Variants in LPA observed in about 807,000 individuals in gnomAD.
LPA encodes the protein apolipoprotein(a).
In LPA, 199 loss-of-function variants were observed where a neutral mutation model predicts 197.9. That is an observed-to-expected ratio of 1.01 (90% CI 0.90 to 1.13). LPA has a LOEUF of 1.13. Ranked by LOEUF, LPA falls within the 50% of genes most tolerant of loss-of-function variation. The pLI is 0.00. For missense variants in LPA, 1,853 were observed against 1,785.8 expected (o/e 1.04, Z -0.68); for synonymous variants, 715 against 639.5 (o/e 1.12, Z -1.78).
chr6:160,657,476 G>T (rs1181293339), intron 1 of LPA, among the ~76,000 whole-genome samples: 1 of 145,160 alleles, frequency 6.9e-6, no homozygotes, highest in Non-Finnish European at 1.5e-5. Flanking sequence ...TTGGCTCACT[G>T]CAATCTCTGC....
chr6:160,592,034 G>C (rs1256991017), intron 22 of LPA, among the ~76,000 whole-genome samples: 2 of 152,086 alleles, frequency 1.3e-5, no homozygotes, highest in African/African-American at 4.8e-5. Context: ...GAGTCATTGA[G>C]CTTCATGACT....
At position 160,540,202 on chromosome 6, in the gene LPA, T is replaced by A; in HGVS notation, c.5595-19A>T. ...TGAGGACCTAGAAAAGATGAGGATG[T>A]CAAGAGAAAAATATGGTCCAGCCCC... On this transcript the variant is annotated intron_variant, in intron 35 of 38. Coordinates refer to ENST00000316300, the MANE Select transcript of LPA (RefSeq NM_005577.4). 1 of 1,614,056 alleles carries A rather than the reference T, an allele frequency of 6.2e-7. No individual in the cohort carries two copies. The highest frequency in any genetic ancestry group is 1.1e-5 in the South Asian group (1 of 91,068).
intron 28 of LPA, among the ~76,000 whole-genome samples, chr6:160,569,613 A>G (rs1235723621): frequency 6.6e-6 from 1 of 152,216 alleles, no homozygotes; most frequent in East Asian, 1.9e-4. Flanking sequence ...AATAGCAACA[A>G]AAGCCAAAAT....
At chr6:160,660,480 G>C (rs1354630502) in intron 1 of LPA, among the ~76,000 whole-genome samples, 1 of 152,028 alleles carries the variant, frequency 6.6e-6, no homozygotes, top group African/African-American at 2.4e-5. Context: ...AATAAATCAT[G>C]TTTGCTCTTG....
intron 30 of LPA, among the ~76,000 whole-genome samples, chr6:160,549,066 G>C (rs952816999): frequency 6.6e-6 from 1 of 152,146 alleles, no homozygotes; most frequent in East Asian, 1.9e-4. Context: ...CGGCAGGACA[G>C]AGTAAGTGCA....
intron 20 of LPA, among the ~76,000 whole-genome samples, chr6:160,597,230 C>T (rs1161106843): frequency 2.6e-5 from 4 of 152,180 alleles, no homozygotes; most frequent in Non-Finnish European, 4.4e-5. Flanking sequence ...TTGTTCTAGC[C>T]TGTTGTGTTT....
In LPA at chr6:160,634,016, G is replaced by A. The variant is rs114967991; in HGVS notation, c.1076-104C>T. Reference sequence around the variant, plus strand: ...AAAGGAGTCTATGAGAATTACGAACGTTATCTTTCCCTTACCTGTAGGCAG... The same window carrying A: ...AAAGGAGTCTATGAGAATTACGAACATTATCTTTCCCTTACCTGTAGGCAG... On this transcript the variant is annotated intron_variant, in intron 7 of 38. Coordinates refer to ENST00000316300, the MANE Select transcript of LPA (RefSeq NM_005577.4). 12,939 of 1,500,002 alleles carry A rather than the reference G, an allele frequency of 8.6e-3. 1,686 individuals are homozygous for A. The African/African-American group carries it at 0.17, about 19-fold the overall frequency. 92.9% of individuals were successfully genotyped at this position (1,500,002 alleles called of 1,614,324 possible).
At chr6:160,551,789 T>A (rs1238389920) in intron 30 of LPA, among the ~76,000 whole-genome samples, 1 of 152,192 alleles carries the variant, frequency 6.6e-6, no homozygotes, top group Non-Finnish European at 1.5e-5. Context: ...TGTAAAACAT[T>A]TTTGTCTCCA....
intron 26 of LPA, among the ~76,000 whole-genome samples, chr6:160,579,364 G>A (rs976349089): frequency 2.0e-5 from 3 of 152,182 alleles, no homozygotes; most frequent in African/African-American, 7.2e-5. Flanking sequence ...CTAGCTCCCA[G>A]GCAGGATGCT....
At chr6:160,563,114 G>C (rs1583580631) in intron 28 of LPA, among the ~76,000 whole-genome samples, 1 of 152,174 alleles carries the variant, frequency 6.6e-6, no homozygotes, top group East Asian at 1.9e-4. Context: ...GCTAGCTTTT[G>C]TATTTGTTTG....
At chr6:160,577,575 C>T (rs865941994) in intron 27 of LPA, among the ~76,000 whole-genome samples, 4 of 152,162 alleles carry the variant, frequency 2.6e-5, no homozygotes, top group African/African-American at 9.7e-5. Context: ...TGAATCTCTG[C>T]TGGTTTTCAT....
chr6:160,569,877 T>A (rs113739953), intron 28 of LPA, among the ~76,000 whole-genome samples: 2,607 of 152,180 alleles, frequency 0.017, 62 homozygotes, highest in African/African-American at 0.058. Flanking sequence ...AAGAGACACA[T>A]GAAAAAGTGC....
Position 160,540,175 on chromosome 6 carries a change from C to T in LPA, c.5603G>A (p.Arg1868Lys). The stretch of plus-strand genomic sequence containing the variant: ...CAGGATGACCTTGTAGGATGAAGGC[C>T]TTGAGGACCTAGAAAAGATGAGGAT... ...TAAHCLKKSSRPSSYKVILGA... is the reference protein window; with the variant it reads ...TAAHCLKKSSKPSSYKVILGA... The change falls in exon 36 of 39, where the codon AGG (arginine) becomes AAG (lysine). Residue 1868 changes from arginine (R) to lysine (K), a missense_variant. Physicochemically the swap from Arg to Lys is conservative, Grantham distance 26. Transcript: ENST00000316300. 6.2e-7 allele frequency: 1 copy of T among 1,614,082 alleles called. No individual in the cohort carries two copies. The highest frequency in any genetic ancestry group is 8.5e-7 in the Non-Finnish European group (1 of 1,180,018).
chr6:160,655,405 G>T (rs1780115271), intron 1 of LPA, among the ~76,000 whole-genome samples: 2 of 152,162 alleles, frequency 1.3e-5, no homozygotes, highest in African/African-American at 4.8e-5. Flanking sequence ...TGGCCCAAAT[G>T]GCAGAGCAGC....
chr6:160,582,778 T>C lies in LPA; in HGVS notation c.4289+2268A>G, dbSNP rs546300992. Among the ~76,000 whole-genome samples, 31 of 152,242 alleles carry C rather than the reference T, an allele frequency of 2.0e-4. 1 individual carries two copies. Among genetic ancestry groups the C allele is most frequent in the South Asian group, 2.1e-4 (1 of 4,828 alleles). On this transcript the variant is annotated intron_variant, in intron 26 of 38. Coordinates refer to ENST00000316300, the MANE Select transcript of LPA (RefSeq NM_005577.4). ...CATCAGCCATCACTGCTTCAAGTATTTTTTCTGTTCCAATATCTCTTTCCC... is the reference window on the plus strand; with the variant it reads ...CATCAGCCATCACTGCTTCAAGTATCTTTTCTGTTCCAATATCTCTTTCCC...
chr6:160,597,989 C>G (rs945165379), intron 20 of LPA, among the ~76,000 whole-genome samples: 1 of 152,276 alleles, frequency 6.6e-6, no homozygotes. Flanking sequence ...TGCTTTTCAG[C>G]TTTGCTAGGT....
intron 20 of LPA, among the ~76,000 whole-genome samples, 159 bp from the exon 21 acceptor site, chr6:160,595,694 A>G (rs1453624738): frequency 6.6e-6 from 1 of 152,236 alleles, no homozygotes; most frequent in Non-Finnish European, 1.5e-5. Context: ...ACTTCTAAAC[A>G]ACTGCGAACA....
chr6:160,554,995 C>T (rs966266847), intron 30 of LPA, among the ~76,000 whole-genome samples: 2 of 152,006 alleles, frequency 1.3e-5, no homozygotes, highest in Non-Finnish European at 2.9e-5. Context: ...CAGTCCTGTA[C>T]TGTCTCTTGT....
chr6:160,538,960 G>A (rs954200874), intron 36 of LPA, among the ~76,000 whole-genome samples: 3 of 152,174 alleles, frequency 2.0e-5, no homozygotes, highest in Non-Finnish European at 4.4e-5. Flanking sequence ...CTGGGATGGT[G>A]GGGAGGACCC....
Sources: gnomAD v4.1 joint callset for allele counts (sites outside exome capture counted in the v4.1 genomes callset) on GRCh38, gnomAD v4.1.1 for gene constraint, MANE v1.5 for transcripts, NCBI Gene and HGNC (gene_info 2026-07-23, HGNC 2026-07-21) for gene names.